The following RAPGEF2 variants were observed in gnomAD, a reference collection of about 807,000 sequenced individuals.
The protein encoded by RAPGEF2 is PDZ domain containing guanine nucleotide exchange factor (GEF) 1.
In RAPGEF2, 54 loss-of-function variants were observed where a neutral mutation model predicts 186.7. That is an observed-to-expected ratio of 0.29 (90% CI 0.23 to 0.36). The LOEUF (loss-of-function observed/expected upper bound fraction) is 0.36. Ranked by LOEUF, RAPGEF2 falls within the 10% of genes least tolerant of loss-of-function variation. The pLI, the probability that RAPGEF2 is intolerant of heterozygous loss-of-function variation, is 1.00. For synonymous variants in RAPGEF2, 712 were observed against 705.9 expected (o/e 1.01, Z -0.14); for missense variants, 1,532 against 2,045.0 (o/e 0.75, Z 4.84).
rs572836150 is a variant in RAPGEF2, at chr4:159,144,170, G to C, written c.69+39939G>C. 6.0e-5 allele frequency among the ~76,000 whole-genome samples: 9 copies of C among 150,216 alleles called. No homozygotes were observed. The East Asian group carries it at 1.7e-3, about 29-fold the overall frequency. On this transcript the variant is annotated intron_variant, in intron 1 of 29. Coordinates refer to ENST00000691494, the MANE Select transcript of RAPGEF2 (RefSeq NM_001394067.2). ...CATGTTTTTAATTCCTTTACTCTCT[G>C]TATAGCTGCATAAACAGTTTTGTGT...
intron 9 of RAPGEF2, among the ~76,000 whole-genome samples, chr4:159,318,317 C>T (rs1364607249): frequency 1.3e-5 from 2 of 152,160 alleles, no homozygotes; most frequent in African/African-American, 4.8e-5. Context: ...TGCAACTCAT[C>T]CTCCAGGATT....
chr4:159,314,322 T>A (rs902853502), intron 8 of RAPGEF2, among the ~76,000 whole-genome samples: 1 of 152,220 alleles, frequency 6.6e-6, no homozygotes, highest in Non-Finnish European at 1.5e-5. Context: ...TTTATTCTAC[T>A]ATGTTTCAAA....
At chr4:159,144,877 C>CTTTTTTT (rs1305914652) in intron 1 of RAPGEF2, among the ~76,000 whole-genome samples, 1 of 77,628 alleles carries the variant, frequency 1.3e-5, no homozygotes, top group Admixed American at 2.1e-4. Flanking sequence ...TTCTTTCTTC[C>CTTTTTTT]TGTTTTTTTT....
chr4:159,108,337 A>C (rs1178496533), intron 1 of RAPGEF2, among the ~76,000 whole-genome samples: 1 of 151,506 alleles, frequency 6.6e-6, no homozygotes, highest in Non-Finnish European at 1.5e-5. Context: ...ATACTCGTTT[A>C]ATGCAGTCGC....
intron 4 of RAPGEF2, among the ~76,000 whole-genome samples, chr4:159,213,140 A>G (rs76387584): frequency 2.0e-5 from 3 of 152,192 alleles, no homozygotes; most frequent in Non-Finnish European, 2.9e-5. Context: ...TTCATGTTGC[A>G]CCTGCTGACA....
At position 159,331,420 on chromosome 4, in the gene RAPGEF2, T is replaced by G; in HGVS notation, c.1468-11T>G. On this transcript the variant is annotated splice_polypyrimidine_tract_variant and intron_variant, in intron 13 of 29. Transcript: ENST00000691494. ...AAAAAGGAAACTTATTGAAAATAAT[T>G]GACTTTTCAGGTTACACGGGTAGTA... The G allele has an allele frequency of 6.5e-7, 1 of 1,526,862 alleles. No homozygotes were observed. The highest frequency in any genetic ancestry group is 1.4e-5 in the African/African-American group (1 of 72,560). 94.6% of individuals were successfully genotyped at this position (1,526,862 alleles called of 1,614,324 possible).
At chr4:159,110,011 G>A (rs1738318044) in intron 1 of RAPGEF2, among the ~76,000 whole-genome samples, 1 of 152,236 alleles carries the variant, frequency 6.6e-6, no homozygotes, top group Non-Finnish European at 1.5e-5. Context: ...AGTGGTGATG[G>A]ATTAGAAATA....
chr4:159,132,290 A>G (rs1300954628), intron 1 of RAPGEF2, among the ~76,000 whole-genome samples: 1 of 152,254 alleles, frequency 6.6e-6, no homozygotes, highest in Admixed American at 6.5e-5. Flanking sequence ...TTACTTTGCT[A>G]GATTTTGGAA....
chr4:159,197,724 G>C lies in RAPGEF2; in HGVS notation c.197+4468G>C, dbSNP rs144194005. ...TTTGCAGTTGCTGACTTGGCTTTCT[G>C]TTTTCACAGCAGCTATTCCCACTGC... On this transcript the variant is annotated intron_variant, in intron 3 of 29. Transcript: ENST00000691494. Among the ~76,000 whole-genome samples, 1,420 of 152,292 alleles carry C rather than the reference G, an allele frequency of 9.3e-3. 27 individuals carry two copies. Among genetic ancestry groups the C allele is most frequent in the African/African-American group, 0.032 (1,318 of 41,558 alleles).
chr4:159,251,579 C>T (rs980563531), intron 7 of RAPGEF2, among the ~76,000 whole-genome samples: 2 of 152,048 alleles, frequency 1.3e-5, no homozygotes. Context: ...AGCACTCTGT[C>T]TAGCTAAAGA....
In RAPGEF2 at chr4:159,161,789, T is replaced by C. The variant is rs146245406; in HGVS notation, c.70-24853T>C. On this transcript the variant is annotated intron_variant, in intron 1 of 29. Coordinates refer to ENST00000691494, the MANE Select transcript of RAPGEF2 (RefSeq NM_001394067.2). ...CACAGCCAAACATAATTGCTTATCT[T>C]CATACATATTAAATTTGATTCCTTG... Among the ~76,000 whole-genome samples, 375 of 152,352 alleles carry C rather than the reference T, an allele frequency of 2.5e-3. 1 individual carries two copies. Among genetic ancestry groups the C allele is most frequent in the Admixed American group, 4.2e-3 (65 of 15,304 alleles).
At chr4:159,160,599 C>T (rs539822334) in intron 1 of RAPGEF2, among the ~76,000 whole-genome samples, 1 of 152,336 alleles carries the variant, frequency 6.6e-6, no homozygotes, top group East Asian at 1.9e-4. Flanking sequence ...ATTGCCTGCG[C>T]ACAGAGCTTA....
intron 12 of RAPGEF2, 83 bp from the exon 13 acceptor site, chr4:159,330,251 G>GTA: frequency 1.2e-6 from 1 of 844,074 alleles, no homozygotes; most frequent in Non-Finnish European, 1.8e-6. Flanking sequence ...ATATATGTGT[G>GTA]TGTGTATATG....
At chr4:159,314,816 G>T in intron 9 of RAPGEF2, 48 bp downstream of exon 9, 1 of 1,517,576 alleles carries the variant, frequency 6.6e-7, no homozygotes, top group Non-Finnish European at 8.9e-7. Flanking sequence ...AAAAGATTTA[G>T]TGGCAAAATT....
chr4:159,219,237 ATTAAG>A (rs778957095), intron 4 of RAPGEF2, among the ~76,000 whole-genome samples: 54 of 152,066 alleles, frequency 3.6e-4, no homozygotes, highest in Non-Finnish European at 6.0e-4. Flanking sequence ...TGAAGTAATT[ATTAAG>A]TTAAGTAGAT....
At chr4:159,114,521 G>A (rs867918981) in intron 1 of RAPGEF2, among the ~76,000 whole-genome samples, 4 of 152,272 alleles carry the variant, frequency 2.6e-5, no homozygotes, top group African/African-American at 9.6e-5. Flanking sequence ...ATAGGTGTGA[G>A]CCACCTTGCT....
chr4:159,282,408 G>T, intron 7 of RAPGEF2: 1 of 184,132 alleles, frequency 5.4e-6, no homozygotes, highest in Non-Finnish European at 1.1e-5. Flanking sequence ...CACTTATTAA[G>T]TGATTTTGTG....
At chr4:159,171,726 C>G (rs1579366505) in intron 1 of RAPGEF2, among the ~76,000 whole-genome samples, 1 of 151,686 alleles carries the variant, frequency 6.6e-6, no homozygotes, top group African/African-American at 2.4e-5. Context: ...GGTCAAAATA[C>G]CTAGAATACT....
chr4:159,111,053 A>G (rs893099242), intron 1 of RAPGEF2, among the ~76,000 whole-genome samples: 4 of 151,356 alleles, frequency 2.6e-5, no homozygotes, highest in Non-Finnish European at 5.9e-5. Flanking sequence ...TTCACATGCA[A>G]AATCGCCACT....
Sources: gnomAD v4.1 joint callset for allele counts (sites outside exome capture counted in the v4.1 genomes callset) on GRCh38, gnomAD v4.1.1 for gene constraint, MANE v1.5 for transcripts, NCBI Gene and HGNC (gene_info 2026-07-23, HGNC 2026-07-21) for gene names.